LRRIQ3: variants seen among roughly 807,000 people sequenced by gnomAD.
LRRIQ3 encodes the protein leucine-rich repeat and IQ domain-containing protein 3.
In LRRIQ3, 75 loss-of-function variants were observed where a neutral mutation model predicts 59.3. The ratio of observed to expected loss-of-function variants is 1.26; its 90% CI spans 1.05 to 1.53. LRRIQ3 has a LOEUF of 1.53. Among genes scored for constraint, LRRIQ3 ranks in the 40% most tolerant of loss-of-function variants. The pLI, the probability that LRRIQ3 is intolerant of heterozygous loss-of-function variation, is 0.00. For synonymous variants in LRRIQ3, 250 were observed against 231.3 expected (o/e 1.08, Z -0.73); for missense variants, 831 against 710.0 (o/e 1.17, Z -1.94).
chr1:74,125,502 T>C (rs555332833), intron 4 of LRRIQ3, among the ~76,000 whole-genome samples: 61 of 152,076 alleles, frequency 4.0e-4, no homozygotes, highest in Non-Finnish European at 6.9e-4. Flanking sequence ...AGTACACAGC[T>C]TTTATTTTGT....
chr1:74,193,752 T>C (rs759182866), intron 1 of LRRIQ3, among the ~76,000 whole-genome samples: 16 of 152,140 alleles, frequency 1.1e-4, no homozygotes, highest in Non-Finnish European at 2.1e-4. Context: ...ATGGTCTACA[T>C]GAAAGTAATT....
chr1:74,157,193 C>G (rs948878445), intron 3 of LRRIQ3, among the ~76,000 whole-genome samples: 14 of 152,028 alleles, frequency 9.2e-5, no homozygotes, highest in Non-Finnish European at 1.5e-5. Flanking sequence ...CTGGAGCTTC[C>G]TAAACACTCT....
At chr1:74,037,501 G>T (rs1309666176) in intron 7 of LRRIQ3, among the ~76,000 whole-genome samples, 1 of 152,080 alleles carries the variant, frequency 6.6e-6, no homozygotes, top group East Asian at 1.9e-4. Flanking sequence ...GGCTTGGTGT[G>T]GTGGCGGACG....
intron 4 of LRRIQ3, among the ~76,000 whole-genome samples, chr1:74,118,803 T>C (rs1007978053): frequency 1.6e-4 from 25 of 152,280 alleles, no homozygotes; most frequent in Middle Eastern, 6.8e-3. Context: ...GAAAAGTTGA[T>C]GTTGCAATCT....
chr1:74,169,516 C>T (rs568152637), intron 3 of LRRIQ3, among the ~76,000 whole-genome samples: 3 of 152,150 alleles, frequency 2.0e-5, no homozygotes, highest in South Asian at 2.1e-4. Flanking sequence ...TACCATTTTA[C>T]GTTGCCACCA....
chr1:74,114,232 C>T (rs771205808), intron 4 of LRRIQ3, among the ~76,000 whole-genome samples: 26 of 151,900 alleles, frequency 1.7e-4, no homozygotes, highest in Non-Finnish European at 3.4e-4. Context: ...ATCCATTCAT[C>T]TTTTAGTTTC....
chr1:74,054,533 T>G (rs1013925506), intron 6 of LRRIQ3, among the ~76,000 whole-genome samples: 3 of 152,022 alleles, frequency 2.0e-5, no homozygotes, highest in Admixed American at 2.0e-4. Flanking sequence ...TATGATCTTT[T>G]GCAGATAATA....
At chr1:74,159,330 C>A (rs1046420277) in intron 3 of LRRIQ3, among the ~76,000 whole-genome samples, 3 of 152,072 alleles carry the variant, frequency 2.0e-5, no homozygotes, top group Non-Finnish European at 4.4e-5. Context: ...ATAAGCTCAC[C>A]AAATTTAACA....
intron 5 of LRRIQ3, among the ~76,000 whole-genome samples, chr1:74,085,355 C>T (rs866164412): frequency 3.4e-5 from 5 of 149,228 alleles, no homozygotes; most frequent in African/African-American, 1.2e-4. Context: ...ACACAACCTG[C>T]CATAAAATGG....
intron 4 of LRRIQ3, among the ~76,000 whole-genome samples, chr1:74,114,231 T>A (rs984574473): frequency 6.6e-6 from 1 of 152,020 alleles, no homozygotes; most frequent in South Asian, 2.1e-4. Flanking sequence ...TATCCATTCA[T>A]CTTTTAGTTT....
intron 3 of LRRIQ3, among the ~76,000 whole-genome samples, chr1:74,156,724 C>T (rs887788768): frequency 2.0e-5 from 3 of 152,062 alleles, no homozygotes; most frequent in African/African-American, 4.8e-5. Flanking sequence ...GAATGTTGGA[C>T]ACTTTTATTG....
intron 6 of LRRIQ3, among the ~76,000 whole-genome samples, chr1:74,053,024 G>A (rs1049741730): frequency 1.3e-5 from 2 of 151,928 alleles, no homozygotes; most frequent in Non-Finnish European, 2.9e-5. Context: ...CAAGAGTATT[G>A]ACAAATAGAT....
In LRRIQ3 at chr1:74,041,229, C is replaced by A. The variant is rs780829903; in HGVS notation, c.1702G>T (p.Glu568Ter). 15 of 1,576,268 alleles carry A rather than the reference C, an allele frequency of 9.5e-6. No homozygotes were observed. In the East Asian group the frequency reaches 3.1e-4, roughly 33 times the overall value. The change falls in exon 7 of 8, where the codon GAA becomes TAA. Residue 568 changes from glutamate (E) to a stop codon, truncating the protein, a stop_gained. Coordinates refer to ENST00000354431, the MANE Select transcript of LRRIQ3 (RefSeq NM_001105659.2). LOFTEE classifies it low-confidence loss of function (END_TRUNC). ...TGTACCTACCTAACTTTTTTCATTT[C>A]TTTAAGTAAATTCTTTCTATATTTT... ...AEKYRKNLLK[E>*]MKKVRSQEIY...
intron 4 of LRRIQ3, among the ~76,000 whole-genome samples, chr1:74,151,391 AG>A (rs1358518870): frequency 6.6e-6 from 1 of 152,146 alleles, no homozygotes; most frequent in African/African-American, 2.4e-5. Context: ...CATAACAACT[AG>A]AAGGCAAATT....
rs1330514187 is a variant in LRRIQ3 at position 74,109,388 on chromosome 1, AC to A, written c.867+5del. 1 of 1,467,356 alleles carries A rather than the reference AC, an allele frequency of 6.8e-7. No individual in the cohort carries two copies. The highest frequency in any genetic ancestry group is 1.4e-5 in the African/African-American group (1 of 70,548). The allele number at this position is 1,467,356 out of a possible 1,614,324, so 90.9% of individuals were successfully genotyped here. On this transcript the variant is annotated splice_donor_5th_base_variant and intron_variant, in intron 5 of 7. Coordinates refer to ENST00000354431, the MANE Select transcript of LRRIQ3 (RefSeq NM_001105659.2). ...CAAATAAAAATAATAAACTAATTAT[AC>A]TTACATGTTTCCAATATGCAAGCTT... is the stretch of plus-strand genomic sequence containing the variant.
At chr1:74,098,569 A>G (rs898029213) in intron 5 of LRRIQ3, among the ~76,000 whole-genome samples, 1 of 152,216 alleles carries the variant, frequency 6.6e-6, no homozygotes, top group Non-Finnish European at 1.5e-5. Context: ...AGACATCTAC[A>G]GAACTCTCCA....
intron 3 of LRRIQ3, among the ~76,000 whole-genome samples, chr1:74,173,313 T>C (rs1649442007): frequency 1.5e-5 from 2 of 130,566 alleles, no homozygotes; most frequent in East Asian, 5.2e-4. Flanking sequence ...AAAAAAAAAA[T>C]CCATTCACTC....
chr1:74,154,774 C>A (rs1175084916), intron 4 of LRRIQ3, among the ~76,000 whole-genome samples: 3 of 152,262 alleles, frequency 2.0e-5, no homozygotes, highest in South Asian at 2.1e-4. Context: ...TTCTTTTGCA[C>A]CTCCTTTACT....
chr1:74,138,141 T>G (rs1647157823), intron 4 of LRRIQ3, among the ~76,000 whole-genome samples: 1 of 137,642 alleles, frequency 7.3e-6, no homozygotes, highest in African/African-American at 2.5e-5. Flanking sequence ...GCTCTTTTGC[T>G]TCCTTTAAAA....
Sources: allele counts gnomAD v4.1 joint callset (sites outside exome capture counted in the v4.1 genomes callset), GRCh38; gene constraint gnomAD v4.1.1; transcripts MANE v1.5; gene names NCBI Gene and HGNC (gene_info 2026-07-23, HGNC 2026-07-21).